The following CHD8 variants were observed in gnomAD, a reference collection of about 807,000 sequenced individuals.
CHD8 encodes chromodomain helicase DNA binding protein 8.
CHD8 carries 31 observed loss-of-function variants against 279.2 expected under a neutral mutation model. The ratio of observed to expected loss-of-function variants is 0.11; its 90% CI spans 0.08 to 0.15. CHD8 has a LOEUF of 0.15. Ranked by LOEUF, CHD8 falls within the 10% of genes least tolerant of loss-of-function variation. CHD8 has a pLI of 1.00. For synonymous variants in CHD8, 1,081 were observed against 1,139.6 expected, an observed-to-expected ratio of 0.95 and a Z score of 1.04; for missense variants, 2,146 against 3,230.5, an observed-to-expected ratio of 0.66 and a Z score of 8.14.
At chr14:21,421,816 T>C (rs189067698) in intron 5 of CHD8, among the ~76,000 whole-genome samples, 17 of 152,248 alleles carry the variant, frequency 1.1e-4, no homozygotes, top group Non-Finnish European at 2.4e-4. Context: ...CCAACGGTCA[T>C]TAAGTTAAAA....
chr14:21,402,962 G>T lies in CHD8; in HGVS notation c.3714+55C>A. ...GGTCTTTCTAAAAGATCCTATTCTT[G>T]TTGAAAAATCTCCCAAGTTAGGTAG... On this transcript the variant is annotated intron_variant, in intron 18 of 37. Transcript: ENST00000646647. This position sits in a 1 kb window ranked among gnomAD's most constrained non-coding sequence, Gnocchi z 4.5. The T allele has an allele frequency of 7.0e-7, 1 of 1,427,276 alleles. No homozygotes were observed. Among genetic ancestry groups the T allele is most frequent in the Non-Finnish European group, 9.7e-7 (1 of 1,033,202 alleles). The allele number at this position is 1,427,276 out of a possible 1,614,324, so 88.4% of individuals were successfully genotyped here. A position where few individuals can be genotyped will look rare whatever the true frequency, so the allele number is the denominator to read the frequency against.
intron 5 of CHD8, among the ~76,000 whole-genome samples, chr14:21,417,881 TA>T (rs1566435661): frequency 3.8e-5 from 5 of 132,448 alleles, no homozygotes; most frequent in Admixed American, 1.5e-4. Flanking sequence ...TATATATATA[TA>T]ATATATATAT....
intron 5 of CHD8, chr14:21,416,427 T>G (rs1433314921): frequency 4.6e-5 from 7 of 152,336 alleles, no homozygotes; most frequent in Admixed American, 3.3e-4. Flanking sequence ...AATTAAACAT[T>G]TTCTAATTAA....
chr14:21,387,086 C>A (rs939412163), intron 37 of CHD8, among the ~76,000 whole-genome samples: 6 of 152,200 alleles, frequency 3.9e-5, no homozygotes, highest in Non-Finnish European at 5.9e-5. Context: ...TAAATGGCTT[C>A]TTCTAGATGT....
intron 1 of CHD8, among the ~76,000 whole-genome samples, chr14:21,445,793 A>G (rs1890102719): frequency 6.7e-6 from 1 of 149,696 alleles, no homozygotes; most frequent in South Asian, 2.1e-4. Flanking sequence ...CGAGGTCAGG[A>G]GTTCGAGACC....
chr14:21,436,444 C>T (rs1259727176), intron 1 of CHD8, among the ~76,000 whole-genome samples: 2 of 152,198 alleles, frequency 1.3e-5, no homozygotes, highest in African/African-American at 4.8e-5. Flanking sequence ...AAATCTTATA[C>T]AGAAATGAAA....
intron 1 of CHD8, among the ~76,000 whole-genome samples, chr14:21,435,017 A>G (rs2139549759): frequency 6.6e-6 from 1 of 152,354 alleles, no homozygotes; most frequent in African/African-American, 2.4e-5. Context: ...ATGCAAAGTA[A>G]CTGCCTAGAT....
chr14:21,437,199 G>T, intron 1 of CHD8: 1 of 1,183,564 alleles, frequency 8.4e-7, no homozygotes, highest in Non-Finnish European at 1.1e-6. Context: ...TTTACCTGCA[G>T]TGGCTGTGGG....
In CHD8 at chr14:21,392,829, A is replaced by T. The variant is rs1335867606; in HGVS notation, c.6469-20T>A. On this transcript the variant is annotated intron_variant, in intron 33 of 37. Transcript: ENST00000646647. ...ACGATCCTGAATGGGGAAAGAAAGA[A>T]ATACCATTTTAAGAGTCTGAGTACT... 8 of 1,610,976 alleles carry T rather than the reference A, an allele frequency of 5.0e-6. No homozygotes were observed. The highest frequency in any genetic ancestry group is 5.1e-6 in the Non-Finnish European group (6 of 1,177,818).
chr14:21,412,155 G>GT (rs1027245223), intron 10 of CHD8, among the ~76,000 whole-genome samples: 80 of 144,696 alleles, frequency 5.5e-4, no homozygotes, highest in Middle Eastern at 3.5e-3. Flanking sequence ...TTGTTTGTTT[G>GT]TTTTTTTTAG....
At chr14:21,404,408 A>C (rs962309673) in intron 16 of CHD8, among the ~76,000 whole-genome samples, 1 of 151,928 alleles carries the variant, frequency 6.6e-6, no homozygotes, top group Admixed American at 6.6e-5. Flanking sequence ...TAAAAAAAAA[A>C]AAAAAAAAAA....
At chr14:21,422,066 T>G (rs1889069244) in intron 5 of CHD8, among the ~76,000 whole-genome samples, 1 of 152,172 alleles carries the variant, frequency 6.6e-6, no homozygotes, top group African/African-American at 2.4e-5. Flanking sequence ...CCAGGCCAAG[T>G]GCAGTTACTC....
chr14:21,435,628 A>G (rs1889751165), intron 1 of CHD8, among the ~76,000 whole-genome samples: 1 of 152,214 alleles, frequency 6.6e-6, no homozygotes. Context: ...GTGATTCTCA[A>G]CCAGGGGATG....
At chr14:21,446,362 C>T (rs1277504738) in intron 1 of CHD8, among the ~76,000 whole-genome samples, 1 of 142,830 alleles carries the variant, frequency 7.0e-6, no homozygotes, top group Non-Finnish European at 1.5e-5. Flanking sequence ...GTCACCCAAG[C>T]TGGAGGTGGC....
At chr14:21,429,695 A>T (rs1889482765) in intron 2 of CHD8, 1 of 371,344 alleles carries the variant, frequency 2.7e-6, no homozygotes, top group African/African-American at 2.1e-5. Context: ...AACTTAGTGC[A>T]GACACCTGAT....
intron 1 of CHD8, among the ~76,000 whole-genome samples, chr14:21,440,184 A>G (rs1040500253): frequency 6.6e-6 from 1 of 152,102 alleles, no homozygotes; most frequent in Admixed American, 6.5e-5. Flanking sequence ...AAAAACATCA[A>G]TAAAGTAGTT....
chr14:21,441,550 C>A (rs1424855805), intron 1 of CHD8, among the ~76,000 whole-genome samples: 1 of 152,068 alleles, frequency 6.6e-6, no homozygotes, highest in African/African-American at 2.4e-5. Flanking sequence ...ATCAGTAGAA[C>A]CTGGAGTTCA....
At position 21,407,040 on chromosome 14, in the gene CHD8, T is replaced by C. The variant is rs758134965; in HGVS notation, c.2731-8A>G. 1.9e-6 allele frequency: 3 copies of C among 1,560,464 alleles called. No homozygotes were observed. The highest frequency in any genetic ancestry group is 2.4e-5 in the South Asian group (2 of 84,072). ...GCCTGGGATGAGGCGTCCCTAAGCATGAAGGCAGTAAAGTCAGAAAAAACC... is the reference window on the plus strand; with the variant it reads ...GCCTGGGATGAGGCGTCCCTAAGCACGAAGGCAGTAAAGTCAGAAAAAACC... On this transcript the variant is annotated splice_polypyrimidine_tract_variant and splice_region_variant and intron_variant, in intron 13 of 37. Coordinates refer to ENST00000646647, the MANE Select transcript of CHD8 (RefSeq NM_001170629.2).
intron 1 of CHD8, among the ~76,000 whole-genome samples, chr14:21,452,090 G>C (rs917875062): frequency 2.0e-5 from 3 of 152,160 alleles, no homozygotes; most frequent in Admixed American, 6.5e-5. Context: ...CACCAGGCTA[G>C]AGTGCAGTGG....
Sources: allele counts gnomAD v4.1 joint callset (sites outside exome capture counted in the v4.1 genomes callset), GRCh38; gene constraint gnomAD v4.1.1; non-coding constraint Gnocchi (gnomAD v3.1); transcripts MANE v1.5; gene names NCBI Gene and HGNC (gene_info 2026-07-23, HGNC 2026-07-21).